ETV3: variants seen among roughly 807,000 people sequenced by gnomAD.
ETV3 encodes the protein ETS variant transcription factor 3.
ETV3 carries 8 observed loss-of-function variants against 33.0 expected under a neutral mutation model. The ratio of observed to expected loss-of-function variants is 0.24; its 90% CI spans 0.14 to 0.44. The LOEUF is 0.44. Ranked by LOEUF, ETV3 falls within the 20% of genes least tolerant of loss-of-function variation. The probability of loss-of-function intolerance (pLI) is 1.00; values close to 1 mark genes in which losing one functional copy is unlikely to be tolerated. For missense variants in ETV3, 473 were observed against 652.3 expected, an observed-to-expected ratio of 0.73 and a Z score of 2.99; for synonymous variants, 222 against 238.9, an observed-to-expected ratio of 0.93 and a Z score of 0.65.
At chr1:157,135,282 A>G in intron 3 of ETV3, 189 bp downstream of exon 3, 1 of 687,026 alleles carries the variant, frequency 1.5e-6, no homozygotes, top group Non-Finnish European at 2.4e-6. Flanking sequence ...AACCAAAGAT[A>G]TGCCTTTTCT....
intron 4 of ETV3, among the ~76,000 whole-genome samples, chr1:157,129,888 G>A (rs1674929443): frequency 6.6e-6 from 1 of 151,926 alleles, no homozygotes; most frequent in Non-Finnish European, 1.5e-5. Flanking sequence ...CTGTCGCCCA[G>A]GCTGGAGTGC....
chr1:157,138,268 CG>C (rs1008701181), intron 1 of ETV3, 47 bp downstream of exon 1: 1 of 152,212 alleles, frequency 6.6e-6, no homozygotes, highest in African/African-American at 2.4e-5. Flanking sequence ...GCCAGGGTCC[CG>C]GATCCAACCC....
chr1:157,136,211 C>A, intron 2 of ETV3, 96 bp downstream of exon 2: 1 of 1,194,764 alleles, frequency 8.4e-7, no homozygotes, highest in South Asian at 1.2e-5. Flanking sequence ...GAGTGTCAGT[C>A]ATGGTCTGAC....
rs1176411953 is a variant in ETV3 at position 157,135,571 on chromosome 1, C to G, written c.184G>C (p.Gly62Arg). ...HVIAWQQGEY[G>R]EFVIKDPDEV... ...TCTGGATCCTTGATGACAAATTCCC[C>G]GTACTCTCCCTGCTGCCAGGCGATG... The change falls in exon 3 of 5, where the codon GGG becomes CGG. Residue 62 changes from glycine to arginine, a missense_variant. Gly to Arg is a moderately radical substitution (Grantham distance 125, BLOSUM62 -2). Coordinates refer to ENST00000368192, the MANE Select transcript of ETV3 (RefSeq NM_001145312.3). 1 of 1,613,916 alleles carries G rather than the reference C, an allele frequency of 6.2e-7. No homozygotes were observed. Among genetic ancestry groups the G allele is most frequent in the African/African-American group, 1.3e-5 (1 of 74,894 alleles).
Position 157,124,770 on chromosome 1 carries a change from T to G in ETV3, c.*71A>C. 4.0e-4 allele frequency: 18 copies of G among 45,548 alleles called. No homozygotes were observed. The highest frequency in any genetic ancestry group is 8.5e-4 in the South Asian group (3 of 3,540). 2.8% of individuals were successfully genotyped at this position (45,548 alleles called of 1,614,324 possible). A position where few individuals can be genotyped will look rare whatever the true frequency, so the allele number is the denominator to read the frequency against. ...CAGTTTAACTCCCTCCCCCCCACCC[T>G]GAAATCTTGCTACATAAATACATGT... is the stretch of plus-strand genomic sequence containing the variant. On this transcript the variant is annotated 3_prime_UTR_variant, in exon 5 of 5. Transcript: ENST00000368192.
rs901842765 is a variant in ETV3, at chr1:157,122,483, GTGT to G, written c.*2355_*2357del. On this transcript the variant is annotated 3_prime_UTR_variant, in exon 5 of 5. Transcript: ENST00000368192. ...TCATGGAGTTGAACATTTTTCGAGTGTGTTTTTTTCAAGTGTAAAAGCAGTGAC... is the reference window on the plus strand; with the variant it reads ...TCATGGAGTTGAACATTTTTCGAGTGTTTTTTCAAGTGTAAAAGCAGTGAC... The G allele has an allele frequency of 4.0e-4, 61 of 152,228 alleles. No individual in the cohort carries two copies. Among genetic ancestry groups the G allele is most frequent in the African/African-American group, 1.4e-3 (57 of 41,518 alleles). 9.4% of individuals were successfully genotyped at this position (152,228 alleles called of 1,614,324 possible).
At chr1:157,136,543 G>C (rs1011493426) in intron 1 of ETV3, among the ~76,000 whole-genome samples, 178 bp from the exon 2 acceptor site, 2 of 152,008 alleles carry the variant, frequency 1.3e-5, no homozygotes, top group African/African-American at 4.8e-5. Context: ...CAAATGATGG[G>C]CCTCAGGTCA....
At chr1:157,134,337 A>C in intron 3 of ETV3, 110 bp from the exon 4 acceptor site, 1 of 1,374,416 alleles carries the variant, frequency 7.3e-7, no homozygotes, top group South Asian at 1.5e-5. Context: ...TACTTACAAA[A>C]ATCACTACCA....
chr1:157,134,190 C>G lies in ETV3; in HGVS notation c.322G>C (p.Gly108Arg). 1 of 1,613,808 alleles carries G rather than the reference C, an allele frequency of 6.2e-7. No individual in the cohort carries two copies. Among genetic ancestry groups the G allele is most frequent in the Non-Finnish European group, 8.5e-7 (1 of 1,179,872 alleles). The change falls in exon 4 of 5, where the codon GGG becomes CGG. Residue 108 changes from glycine to arginine, a missense_variant. Around this residue, in one of 3 missense-constraint regions of ETV3, gnomAD observed 410 missense variants for 520.2 expected, o/e 0.79. Coordinates refer to ENST00000368192, the MANE Select transcript of ETV3 (RefSeq NM_001145312.3). ...TTAAATTTATAGGTAAATCTTTTCC[C>G]TTTTGTTTTATGAAGGATCCTCTTG... is the stretch of plus-strand genomic sequence containing the variant. ...YNKRILHKTK[G>R]KRFTYKFNFN...
intron 4 of ETV3, 49 bp from the exon 5 acceptor site, chr1:157,126,028 A>G: frequency 1.4e-6 from 2 of 1,450,482 alleles, no homozygotes; most frequent in Non-Finnish European, 1.8e-6. Flanking sequence ...CTGCTCATTC[A>G]TTATCATCAC....
chr1:157,121,575 T>G lies in ETV3; in HGVS notation c.*3266A>C, dbSNP rs1204546026. On this transcript the variant is annotated 3_prime_UTR_variant, in exon 5 of 5. Transcript: ENST00000368192. ...AAACAAATTAACTGGTAACTTTTTATCCCCCTAAGAAGAAACCAAGAATGG... is the reference window on the plus strand; with the variant it reads ...AAACAAATTAACTGGTAACTTTTTAGCCCCCTAAGAAGAAACCAAGAATGG... 6.6e-6 allele frequency: 1 copy of G among 152,176 alleles called. No individual in the cohort carries two copies. Among genetic ancestry groups the G allele is most frequent in the Non-Finnish European group, 1.5e-5 (1 of 68,044 alleles). The allele number at this position is 152,176 out of a possible 1,614,324, so 9.4% of individuals were successfully genotyped here.
intron 4 of ETV3, chr1:157,133,147 T>C (rs7521824): frequency 0.12 from 18,204 of 153,900 alleles, 2,042 homozygotes; most frequent in East Asian, 0.53. Flanking sequence ...CAAAGATATT[T>C]TGAGAAAGAC....
At chr1:157,132,749 T>C (rs1435031317) in intron 4 of ETV3, among the ~76,000 whole-genome samples, 1 of 75,340 alleles carries the variant, frequency 1.3e-5, no homozygotes, top group Admixed American at 2.0e-4. Context: ...CAATACCACT[T>C]TTTTTTTTTT....
At position 157,125,077 on chromosome 1, in the gene ETV3, C is replaced by T. The variant is rs939180582; in HGVS notation, c.1303G>A (p.Val435Met). The T allele has an allele frequency of 6.5e-7, 1 of 1,546,700 alleles. No homozygotes were observed. The highest frequency in any genetic ancestry group is 8.7e-7 in the Non-Finnish European group (1 of 1,144,308). ...TCTCCACTTGGGGTGCTAATGGGCA[C>T]AGAGGGCCAGATGGGTGGTGCAGCA... ...RPAAPPIWPS[V>M]PISTPSGEPL... Residue 435 changes from valine to methionine, a missense_variant, in exon 5 of 5, where the codon GTG (valine) becomes ATG (methionine). Val to Met is a conservative substitution (Grantham distance 21). Coordinates refer to ENST00000368192, the MANE Select transcript of ETV3 (RefSeq NM_001145312.3). This position sits in a 1 kb window ranked among gnomAD's most constrained non-coding sequence, Gnocchi z 4.0.
chr1:157,135,235 T>TCCAGTGCCAG, intron 3 of ETV3: 1 of 604,336 alleles, frequency 1.7e-6, no homozygotes, highest in Non-Finnish European at 2.9e-6. Context: ...TCTGTCAGGA[T>TCCAGTGCCAG]CCAGTGCCAG....
At chr1:157,129,013 CTA>C (rs1343530882) in intron 4 of ETV3, among the ~76,000 whole-genome samples, 1 of 152,134 alleles carries the variant, frequency 6.6e-6, no homozygotes, top group African/African-American at 2.4e-5. Flanking sequence ...ATTTACATAA[CTA>C]GTTATGTGAA....
intron 4 of ETV3, chr1:157,133,431 CA>C: frequency 1.0e-6 from 1 of 985,484 alleles, no homozygotes; most frequent in South Asian, 4.7e-5. Flanking sequence ...AAATCACAAA[CA>C]AAAAACCACA....
At position 157,125,431 on chromosome 1, in the gene ETV3, G is replaced by A; in HGVS notation, c.949C>T (p.Arg317Trp). The A allele has an allele frequency of 6.4e-7, 1 of 1,552,232 alleles. No individual in the cohort carries two copies. The highest frequency in any genetic ancestry group is 8.7e-7 in the Non-Finnish European group (1 of 1,147,110). Reference sequence around the variant, plus strand: ...AGCCCTGGGTAACGGGGAAAAGTCCGAGGACTCAGATGGTAGTTGAACACA... The same window carrying A: ...AGCCCTGGGTAACGGGGAAAAGTCCAAGGACTCAGATGGTAGTTGAACACA... ...CSVFNYHLSP[R>W]TFPRYPGLMV... The change falls in exon 5 of 5, where the codon CGG becomes TGG. Residue 317 changes from arginine (R) to tryptophan (W), a missense_variant. Coordinates refer to ENST00000368192, the MANE Select transcript of ETV3 (RefSeq NM_001145312.3). This position sits in a 1 kb window ranked among gnomAD's most constrained non-coding sequence, Gnocchi z 4.0.
chr1:157,131,452 C>T (rs1674965967), intron 4 of ETV3, among the ~76,000 whole-genome samples: 1 of 152,116 alleles, frequency 6.6e-6, no homozygotes, highest in Non-Finnish European at 1.5e-5. Context: ...TGTATTAAAC[C>T]CGGCATATCT....
Sources: allele counts gnomAD v4.1 joint callset (sites outside exome capture counted in the v4.1 genomes callset), GRCh38; gene constraint gnomAD v4.1.1; regional missense constraint gnomAD v4.1.1; non-coding constraint Gnocchi (gnomAD v3.1); transcripts MANE v1.5; gene names NCBI Gene and HGNC (gene_info 2026-07-23, HGNC 2026-07-21).